Variants in TXNDC5 observed in about 807,000 individuals in gnomAD.
TXNDC5 encodes thioredoxin domain-containing protein 5.
A neutral mutation model predicts 52.6 loss-of-function variants in TXNDC5; 44 were observed. The observed-to-expected ratio is 0.84, with a 90% CI of 0.66 to 1.08. The LOEUF is 1.08. Ranked by LOEUF, TXNDC5 falls within the 50% of genes least tolerant of loss-of-function variation. The probability of loss-of-function intolerance (pLI) is 0.00; values close to 1 mark genes in which losing one functional copy is unlikely to be tolerated. For missense variants in TXNDC5, 600 were observed against 565.5 expected (o/e 1.06, Z -0.62); for synonymous variants, 241 against 234.4 (o/e 1.03, Z -0.26).
At chr6:7,883,999 T>C (rs1435870818) in intron 9 of TXNDC5, among the ~76,000 whole-genome samples, 3 of 152,128 alleles carry the variant, frequency 2.0e-5, no homozygotes, top group African/African-American at 7.2e-5. Context: ...GTGTGAAAAA[T>C]GAGCGACTCG....
At chr6:7,905,617 A>G (rs1760704751) in intron 1 of TXNDC5, among the ~76,000 whole-genome samples, 1 of 152,258 alleles carries the variant, frequency 6.6e-6, no homozygotes, top group African/African-American at 2.4e-5. Context: ...CTTAAGTCAT[A>G]CAGCTGACCA....
chr6:7,910,710 GCAGCAGCGCAGTCAGGGCCGC>G lies in TXNDC5; in HGVS notation c.46_66del (p.Ala16_Leu22del). 1 of 1,072,482 alleles carries G rather than the reference GCAGCAGCGCAGTCAGGGCCGC, an allele frequency of 9.3e-7. No individual in the cohort carries two copies. The highest frequency in any genetic ancestry group is 1.1e-6 in the Non-Finnish European group (1 of 889,654). 66.4% of individuals were successfully genotyped at this position (1,072,482 alleles called of 1,614,324 possible). A position where few individuals can be genotyped will look rare whatever the true frequency, so the allele number is the denominator to read the frequency against. ...CCGCCGCCATGGCCCAGCAGCAGCA[GCAGCAGCGCAGTCAGGGCCGC>G]CGGCCGGGCCAGCAGCGGGAGGAGG... is the stretch of plus-strand genomic sequence containing the variant. On this transcript the variant is annotated inframe_deletion, in exon 1 of 10. Transcript: ENST00000379757.
chr6:7,890,664 T>C (rs1270265764), intron 5 of TXNDC5, among the ~76,000 whole-genome samples: 2 of 152,158 alleles, frequency 1.3e-5, no homozygotes, highest in African/African-American at 2.4e-5. Context: ...GTATAATTAG[T>C]ATATATTATC....
chr6:7,910,111 T>G, intron 1 of TXNDC5: 1 of 986,342 alleles, frequency 1.0e-6, no homozygotes, highest in African/African-American at 1.7e-5. Context: ...TTTTCCCGGC[T>G]GTCCCCTAGG....
At chr6:7,893,263 A>C (rs1157269185) in intron 4 of TXNDC5, among the ~76,000 whole-genome samples, 1 of 152,268 alleles carries the variant, frequency 6.6e-6, no homozygotes, top group African/African-American at 2.4e-5. Flanking sequence ...TGCCACACTA[A>C]GGCTCACAGC....
At chr6:7,901,321 G>A (rs1368096320) in intron 2 of TXNDC5, among the ~76,000 whole-genome samples, 2 of 152,252 alleles carry the variant, frequency 1.3e-5, no homozygotes, top group East Asian at 1.9e-4. Flanking sequence ...CTTCCTGCAC[G>A]GCTCTGCCTC....
intron 2 of TXNDC5, among the ~76,000 whole-genome samples, chr6:7,903,009 C>G (rs1760618921): frequency 6.6e-6 from 1 of 152,188 alleles, no homozygotes; most frequent in East Asian, 1.9e-4. Context: ...CCACTCTCAG[C>G]TCCATTACAG....
In TXNDC5 at chr6:7,885,564, C is replaced by A. The variant is rs11758961; in HGVS notation, c.1046+397G>T. ...AAGAAATCCGAGTACTTAAAAGAAC[C>A]GAGGAGCAAAGCTACATCATGACAC... On this transcript the variant is annotated intron_variant, in intron 8 of 9. Transcript: ENST00000379757. 7.8e-3 allele frequency among the ~76,000 whole-genome samples: 1,183 copies of A among 152,242 alleles called. 10 individuals carry two copies. The highest frequency in any genetic ancestry group is 0.014 in the Non-Finnish European group (926 of 68,020).
At chr6:7,893,563 A>G (rs1760269487) in intron 4 of TXNDC5, among the ~76,000 whole-genome samples, 1 of 152,224 alleles carries the variant, frequency 6.6e-6, no homozygotes, top group Non-Finnish European at 1.5e-5. Flanking sequence ...GTCCTGCCGG[A>G]GTCGGTCCGT....
intron 2 of TXNDC5, 117 bp downstream of exon 2, chr6:7,904,457 G>T: frequency 1.5e-6 from 2 of 1,339,770 alleles, no homozygotes; most frequent in South Asian, 1.4e-5. Flanking sequence ...TCTCCCTAAT[G>T]ACAGGGACTG....
At chr6:7,894,978 T>G in intron 4 of TXNDC5, 128 bp downstream of exon 4, 1 of 1,458,914 alleles carries the variant, frequency 6.9e-7, no homozygotes, top group Non-Finnish European at 9.1e-7. Flanking sequence ...ACAGCTCCTC[T>G]AGAGTGACCC....
intron 9 of TXNDC5, among the ~76,000 whole-genome samples, chr6:7,883,505 G>C (rs774467488): frequency 6.6e-6 from 1 of 152,156 alleles, no homozygotes; most frequent in South Asian, 2.1e-4. Context: ...TCAAAGGAAC[G>C]ACTTTACCCT....
intron 4 of TXNDC5, among the ~76,000 whole-genome samples, chr6:7,894,547 C>T (rs1255906164): frequency 3.3e-5 from 5 of 152,136 alleles, no homozygotes; most frequent in African/African-American, 4.8e-5. Flanking sequence ...TAAAACAAGT[C>T]ACACAAATTT....
At chr6:7,899,849 T>C in intron 2 of TXNDC5, 168 bp from the exon 3 acceptor site, 1 of 502,020 alleles carries the variant, frequency 2.0e-6, no homozygotes, top group South Asian at 2.9e-5. Flanking sequence ...CAGGAGATAA[T>C]ACATTCAGTT....
chr6:7,905,837 A>T (rs1223368634), intron 1 of TXNDC5, among the ~76,000 whole-genome samples: 1 of 152,078 alleles, frequency 6.6e-6, no homozygotes, highest in East Asian at 1.9e-4. Context: ...CTTTTTTTTT[A>T]AACACACTTG....
In TXNDC5 at chr6:7,882,210, C is replaced by CA. The variant is rs1208579913; in HGVS notation, c.*933dup. On this transcript the variant is annotated 3_prime_UTR_variant, in exon 10 of 10. Coordinates refer to ENST00000379757, the MANE Select transcript of TXNDC5 (RefSeq NM_030810.5). Reference sequence around the variant, plus strand: ...CTCTAGAACTCTAGTTAGGGCCCTTCAGCAGGGCTGCAGAGCCTCCCTGGA... The same window carrying CA: ...CTCTAGAACTCTAGTTAGGGCCCTTCAAGCAGGGCTGCAGAGCCTCCCTGGA... 1 of 152,644 alleles carries CA rather than the reference C, an allele frequency of 6.6e-6. No individual in the cohort carries two copies. Among genetic ancestry groups the CA allele is most frequent in the African/African-American group, 2.4e-5 (1 of 41,456 alleles). 9.5% of individuals were successfully genotyped at this position (152,644 alleles called of 1,614,324 possible).
At chr6:7,910,402 C>A (rs901453707) in intron 1 of TXNDC5, 112 bp downstream of exon 1, 1 of 1,176,896 alleles carries the variant, frequency 8.5e-7, no homozygotes. Flanking sequence ...CGCCGCAGAC[C>A]AGAGCCGTCG....
intron 3 of TXNDC5, among the ~76,000 whole-genome samples, chr6:7,896,441 G>A (rs145657353): frequency 1.3e-5 from 2 of 152,264 alleles, no homozygotes; most frequent in East Asian, 3.9e-4. Context: ...GTGTTCTGCT[G>A]CAGACACATT....
intron 1 of TXNDC5, among the ~76,000 whole-genome samples, chr6:7,908,388 A>T (rs557801252): frequency 1.3e-5 from 2 of 152,164 alleles, no homozygotes; most frequent in South Asian, 4.1e-4. Context: ...TTTACTTAAT[A>T]CCAAGTGCCC....
Sources: allele counts gnomAD v4.1 joint callset (sites outside exome capture counted in the v4.1 genomes callset), GRCh38; gene constraint gnomAD v4.1.1; transcripts MANE v1.5; gene names NCBI Gene and HGNC (gene_info 2026-07-23, HGNC 2026-07-21).